Variants in CDKAL1 observed in about 807,000 individuals in gnomAD.
CDKAL1 encodes threonylcarbamoyladenosine tRNA methylthiotransferase.
Under a neutral mutation model 68.2 loss-of-function variants are expected in CDKAL1, and 32 were observed. That is an observed-to-expected ratio of 0.47 (90% CI 0.35 to 0.63). The LOEUF is 0.63. Among genes scored for constraint, CDKAL1 ranks in the 30% least tolerant of loss-of-function variants. The probability of loss-of-function intolerance (pLI) is 0.00; values close to 1 mark genes in which losing one functional copy is unlikely to be tolerated. For missense variants in CDKAL1, 606 were observed against 696.7 expected, an observed-to-expected ratio of 0.87 and a Z score of 1.47; for synonymous variants, 234 against 244.3, an observed-to-expected ratio of 0.96 and a Z score of 0.39.
chr6:20,752,088 A>C (rs1773948166), intron 6 of CDKAL1, among the ~76,000 whole-genome samples: 1 of 141,860 alleles, frequency 7.0e-6, no homozygotes, highest in African/African-American at 2.7e-5. Context: ...CCCTCCCCTG[A>C]CTCTTCTCTC....
intron 4 of CDKAL1, among the ~76,000 whole-genome samples, chr6:20,646,906 G>A (rs896600912): frequency 2.0e-5 from 3 of 152,078 alleles, no homozygotes; most frequent in Non-Finnish European, 4.4e-5. Context: ...CCCACGCCCG[G>A]CTAATTTTTT....
intron 8 of CDKAL1, among the ~76,000 whole-genome samples, chr6:20,819,196 A>G (rs1777172821): frequency 6.7e-6 from 1 of 150,346 alleles, no homozygotes; most frequent in Non-Finnish European, 1.5e-5. Context: ...TTCACTATAA[A>G]TAAGCTTAAA....
intron 11 of CDKAL1, among the ~76,000 whole-genome samples, chr6:21,007,943 C>T (rs977834081): frequency 6.6e-6 from 1 of 152,178 alleles, no homozygotes; most frequent in Non-Finnish European, 1.5e-5. Context: ...AAAGTGGATT[C>T]AGCAAATATT....
chr6:20,752,238 AT>A lies in CDKAL1; in HGVS notation c.469-6347del, dbSNP rs34996587. Among the ~76,000 whole-genome samples, 5 of 149,574 alleles carry A rather than the reference AT, an allele frequency of 3.3e-5. No homozygotes were observed. In the South Asian group the frequency reaches 8.5e-4, roughly 25 times the overall value. ...CTTCTGTTTGTAATCAAGTACTTAC[AT>A]TTTTTTTTTAAATTTTACAGTTTTG... On this transcript the variant is annotated intron_variant, in intron 6 of 15. Transcript: ENST00000274695.
chr6:20,797,781 T>TTATG (rs1776171528), intron 8 of CDKAL1, among the ~76,000 whole-genome samples: 2 of 141,586 alleles, frequency 1.4e-5, no homozygotes, highest in African/African-American at 5.4e-5. Flanking sequence ...TTTATTTTAT[T>TTATG]TTATTTTATT....
intron 8 of CDKAL1, chr6:20,799,763 A>G (rs1277883779): frequency 6.6e-6 from 1 of 152,228 alleles, no homozygotes; most frequent in African/African-American, 2.4e-5. Flanking sequence ...TGATGTGTGC[A>G]TCCTCCCCTT....
intron 8 of CDKAL1, among the ~76,000 whole-genome samples, chr6:20,810,419 C>T (rs1381247550): frequency 1.3e-5 from 2 of 149,114 alleles, no homozygotes; most frequent in South Asian, 4.4e-4. Flanking sequence ...CACACACACA[C>T]ACACACACAC....
intron 5 of CDKAL1, among the ~76,000 whole-genome samples, chr6:20,736,607 A>G (rs62399260): frequency 0.072 from 10,898 of 151,918 alleles, 536 homozygotes; most frequent in African/African-American, 0.14. Flanking sequence ...CATCTCTACT[A>G]AAAATACAAA....
intron 9 of CDKAL1, among the ~76,000 whole-genome samples, chr6:20,881,209 T>A (rs1380596816): frequency 2.6e-5 from 4 of 152,112 alleles, no homozygotes; most frequent in African/African-American, 9.7e-5. Context: ...ATCCTCAGAG[T>A]CTGCGATTCA....
At chr6:20,830,455 A>G (rs149575561) in intron 8 of CDKAL1, among the ~76,000 whole-genome samples, 5 of 146,384 alleles carry the variant, frequency 3.4e-5, no homozygotes, top group Non-Finnish European at 7.5e-5. Context: ...AATTTGTATG[A>G]TATGTTTCAG....
intron 11 of CDKAL1, among the ~76,000 whole-genome samples, chr6:21,012,530 A>G (rs907997675): frequency 1.3e-5 from 2 of 152,192 alleles, no homozygotes; most frequent in Non-Finnish European, 2.9e-5. Flanking sequence ...AACATTCCCA[A>G]TATAAAATAG....
intron 11 of CDKAL1, among the ~76,000 whole-genome samples, chr6:21,008,263 T>G (rs113435571): frequency 3.2e-4 from 49 of 152,136 alleles, no homozygotes; most frequent in African/African-American, 1.1e-3. Flanking sequence ...AATCAGCATT[T>G]GAGTAGTAGA....
At chr6:20,757,283 A>G (rs1290342156) in intron 6 of CDKAL1, among the ~76,000 whole-genome samples, 1 of 152,044 alleles carries the variant, frequency 6.6e-6, no homozygotes, top group African/African-American at 2.4e-5. Context: ...CTCTTGTCTC[A>G]GTTGAGTTCA....
Position 20,732,765 on chromosome 6 carries a change from T to G in CDKAL1, c.372-6754T>G, listed in dbSNP as rs562773021. ...TTTTCTAATTTCTGCAGGTACCACC[T>G]TTGACTTTTCTCCATCGTTTACTTT... On this transcript the variant is annotated intron_variant, in intron 5 of 15. Transcript: ENST00000274695. Among the ~76,000 whole-genome samples the G allele has an allele frequency of 2.0e-5, 3 of 152,302 alleles. No individual in the cohort carries two copies. In the South Asian group the frequency reaches 6.2e-4, roughly 32 times the overall value.
intron 4 of CDKAL1, among the ~76,000 whole-genome samples, chr6:20,583,796 T>C (rs913680637): frequency 7.3e-6 from 1 of 137,390 alleles, no homozygotes; most frequent in African/African-American, 2.7e-5. Context: ...CCCCCCCCAC[T>C]AGTTTCAGTC....
At chr6:20,605,799 C>G (rs1766308689) in intron 4 of CDKAL1, among the ~76,000 whole-genome samples, 1 of 152,164 alleles carries the variant, frequency 6.6e-6, no homozygotes, top group Admixed American at 6.6e-5. Flanking sequence ...AGTACTGAGT[C>G]AGCTCTGGGC....
At chr6:20,704,453 C>G (rs1465338921) in intron 5 of CDKAL1, among the ~76,000 whole-genome samples, 1 of 151,670 alleles carries the variant, frequency 6.6e-6, no homozygotes. Flanking sequence ...ACATTCTAGA[C>G]AGAGGAAACA....
At chr6:20,592,838 G>C (rs1280587023) in intron 4 of CDKAL1, among the ~76,000 whole-genome samples, 1 of 152,142 alleles carries the variant, frequency 6.6e-6, no homozygotes, top group African/African-American at 2.4e-5. Context: ...TTTGAGATAG[G>C]TTCCATCAAT....
intron 4 of CDKAL1, among the ~76,000 whole-genome samples, chr6:20,635,294 C>T (rs932592649): frequency 6.6e-6 from 1 of 152,026 alleles, no homozygotes; most frequent in Non-Finnish European, 1.5e-5. Context: ...CGGGTGGTGT[C>T]CCAGGAAGTG....
Sources: allele counts gnomAD v4.1 joint callset (sites outside exome capture counted in the v4.1 genomes callset), GRCh38; gene constraint gnomAD v4.1.1; transcripts MANE v1.5; gene names NCBI Gene and HGNC (gene_info 2026-07-23, HGNC 2026-07-21).